The following NUBP1 variants were observed in gnomAD, a reference collection of about 807,000 sequenced individuals.
NUBP1 encodes NUBP iron-sulfur cluster assembly factor 1, cytosolic, also known as cytosolic Fe-S cluster assembly factor NUBP1.
In NUBP1, 46 loss-of-function variants were observed where a neutral mutation model predicts 41.8. That is an observed-to-expected ratio of 1.10 (90% CI 0.87 to 1.41). The LOEUF is 1.41. NUBP1 is among the 40% of genes most tolerant of loss of function. The probability of loss-of-function intolerance (pLI) is 0.00; values close to 1 mark genes in which losing one functional copy is unlikely to be tolerated. For synonymous variants in NUBP1, 189 were observed against 154.6 expected (o/e 1.22, Z -1.65); for missense variants, 494 against 414.0 (o/e 1.19, Z -1.68).
In NUBP1 at chr16:10,761,800, T is replaced by C. The variant is rs764479190; in HGVS notation, c.761T>C (p.Leu254Pro). The change falls in exon 9 of 11, where the codon CTC becomes CCC. Residue 254 changes from leucine to proline, a missense_variant. Physicochemically the swap from Leu to Pro is moderately conservative, Grantham distance 98. Transcript: ENST00000283027. ...IFPPTTGGAE[L>P]MCQDLEVPLL... ...CCTCCCACAACCGGGGGCGCGGAGC[T>C]CATGTGCCAGGACTTGGAGGTCCCT... 2.5e-6 allele frequency: 4 copies of C among 1,613,968 alleles called. No individual in the cohort carries two copies. The highest frequency in any genetic ancestry group is 3.4e-6 in the Non-Finnish European group (4 of 1,179,958).
intron 1 of NUBP1, 39 bp downstream of exon 1, chr16:10,743,921 T>C (rs751928131): frequency 1.3e-6 from 2 of 1,578,584 alleles, no homozygotes; most frequent in Non-Finnish European, 1.7e-6. Context: ...GGGGCGAAAG[T>C]GTCGGGAGCT....
chr16:10,762,620 G>A (rs1258231256), intron 9 of NUBP1, among the ~76,000 whole-genome samples: 1 of 152,236 alleles, frequency 6.6e-6, no homozygotes, highest in African/African-American at 2.4e-5. Context: ...CTCGCCTTTA[G>A]GTCTGAGGGG....
At chr16:10,751,653 C>T (rs1900325172) in intron 3 of NUBP1, among the ~76,000 whole-genome samples, 1 of 152,166 alleles carries the variant, frequency 6.6e-6, no homozygotes, top group East Asian at 1.9e-4. Flanking sequence ...TCTCAGACCT[C>T]CTGTATCAGA....
At chr16:10,755,024 G>A (rs946174774) in intron 4 of NUBP1, among the ~76,000 whole-genome samples, 1 of 152,098 alleles carries the variant, frequency 6.6e-6, no homozygotes, top group Non-Finnish European at 1.5e-5. Context: ...CAGCCTGGTC[G>A]ACAGGGCAAG....
At position 10,766,514 on chromosome 16, in the gene NUBP1, A is replaced by C. The variant is rs2030896212; in HGVS notation, c.821-1435A>C. 6.6e-6 allele frequency among the ~76,000 whole-genome samples: 1 copy of C among 152,170 alleles called. No homozygotes were observed. The highest frequency in any genetic ancestry group is 6.5e-5 in the Admixed American group (1 of 15,272). ...GTCAGGGACAGAAAGTAGCCCCAGC[A>C]TGACTATTCTGGGATCCCCAACCTC... On this transcript the variant is annotated intron_variant, in intron 9 of 10. Transcript: ENST00000283027. The surrounding 1 kb of genome is among the most constrained non-coding windows in gnomAD (Gnocchi z 4.8).
chr16:10,751,864 G>A (rs953058427), intron 3 of NUBP1, among the ~76,000 whole-genome samples: 16 of 152,208 alleles, frequency 1.1e-4, no homozygotes, highest in East Asian at 3.9e-4. Context: ...CAGCAGGCCC[G>A]TGGTGTACTG....
At chr16:10,762,801 T>G (rs1395874171) in intron 9 of NUBP1, among the ~76,000 whole-genome samples, 10 of 113,396 alleles carry the variant, frequency 8.8e-5, no homozygotes, top group Admixed American at 2.7e-4. Context: ...CAGGAGAGGG[T>G]GGGGGCCGCG....
chr16:10,752,345 C>A (rs1286338566), intron 3 of NUBP1, among the ~76,000 whole-genome samples: 1 of 152,170 alleles, frequency 6.6e-6, no homozygotes, highest in African/African-American at 2.4e-5. Flanking sequence ...GCCCGAGCCT[C>A]CAAGTGACCT....
rs1359037610 is a variant in NUBP1 at position 10,755,743 on chromosome 16, G to A, written c.350G>A (p.Trp117Ter). 5.0e-6 allele frequency: 8 copies of A among 1,614,004 alleles called. No individual in the cohort carries two copies. The highest frequency in any genetic ancestry group is 6.8e-6 in the Non-Finnish European group (8 of 1,179,984). Residue 117 changes from tryptophan to a stop codon, truncating the protein, a stop_gained, in exon 5 of 11, where the codon TGG (tryptophan) becomes TAG (stop). Transcript: ENST00000283027. LOFTEE classifies it high-confidence loss of function. ...CAGGTTCACCAGAGTGGCTCAGGCT[G>A]GTCTCCAGTGGTGAGTTTTCACCTC... ...GEQVHQSGSGWSPVYVEDNLG... is the reference protein window; with the variant it reads ...GEQVHQSGSG
Position 10,744,078 on chromosome 16 carries a change from C to T in NUBP1, c.124+13C>T, listed in dbSNP as rs757839433. ...ACTCCGGACACGGGTGAGAAAAGGGCAAGGCCTCAACAGGAACTTAGAGGC... is the reference window on the plus strand; with the variant it reads ...ACTCCGGACACGGGTGAGAAAAGGGTAAGGCCTCAACAGGAACTTAGAGGC... On this transcript the variant is annotated intron_variant, in intron 2 of 10. Transcript: ENST00000283027. 3 of 1,546,852 alleles carry T rather than the reference C, an allele frequency of 1.9e-6. No individual in the cohort carries two copies. Among genetic ancestry groups the T allele is most frequent in the Admixed American group, 2.1e-5 (1 of 48,008 alleles).
intron 7 of NUBP1, chr16:10,761,085 C>T (rs951776051): frequency 1.6e-5 from 5 of 316,058 alleles, no homozygotes; most frequent in African/African-American, 4.3e-5. Context: ...CATCAGATCT[C>T]GTGAAAACTC....
intron 5 of NUBP1, 67 bp downstream of exon 5, chr16:10,755,820 G>A: frequency 6.8e-7 from 1 of 1,478,966 alleles, no homozygotes; most frequent in Non-Finnish European, 9.4e-7. Flanking sequence ...ATGGGTTTGT[G>A]GTTTGTTGGT....
At position 10,755,728 on chromosome 16, in the gene NUBP1, A is replaced by G; in HGVS notation, c.335A>G (p.Gln112Arg). 1 of 1,614,222 alleles carries G rather than the reference A, an allele frequency of 6.2e-7. No individual in the cohort carries two copies. ...IMGLEGEQVH[Q>R]SGSGWSPVYV... ...GTGCTCATGTTCACACAGGTTCACC[A>G]GAGTGGCTCAGGCTGGTCTCCAGTG... The change falls in exon 5 of 11, where the codon CAG becomes CGG. Residue 112 changes from glutamine (Q) to arginine (R), a missense_variant. Gln to Arg is a conservative substitution (Grantham distance 43). Transcript: ENST00000283027.
chr16:10,769,211 G>T lies in NUBP1; in HGVS notation c.*106G>T. The T allele has an allele frequency of 1.1e-6, 1 of 942,884 alleles. No homozygotes were observed. The highest frequency in any genetic ancestry group is 1.7e-6 in the Non-Finnish European group (1 of 591,832). 58.4% of individuals were successfully genotyped at this position (942,884 alleles called of 1,614,324 possible). A position where few individuals can be genotyped will look rare whatever the true frequency, so the allele number is the denominator to read the frequency against. On this transcript the variant is annotated 3_prime_UTR_variant, in exon 11 of 11. Coordinates refer to ENST00000283027, the MANE Select transcript of NUBP1 (RefSeq NM_002484.4). The stretch of plus-strand genomic sequence containing the variant: ...CGGGATGGGGTGGGTCACAGCAAAA[G>T]GACCAGATGCTGGTGTGGTCCGAAG...
chr16:10,756,242 G>A (rs534309588), intron 5 of NUBP1, among the ~76,000 whole-genome samples: 1 of 152,146 alleles, frequency 6.6e-6, no homozygotes, highest in Non-Finnish European at 1.5e-5. Context: ...AGCCGAGCAT[G>A]GTGGCACGCG....
Position 10,749,100 on chromosome 16 carries a change from A to C in NUBP1, c.258+1824A>C, listed in dbSNP as rs1238868096. Among the ~76,000 whole-genome samples, 2 of 145,292 alleles carry C rather than the reference A, an allele frequency of 1.4e-5. No individual in the cohort carries two copies. The highest frequency in any genetic ancestry group is 3.0e-5 in the Non-Finnish European group (2 of 67,128). On this transcript the variant is annotated intron_variant, in intron 3 of 10. Coordinates refer to ENST00000283027, the MANE Select transcript of NUBP1 (RefSeq NM_002484.4). The surrounding 1 kb of genome is among the most constrained non-coding windows in gnomAD (Gnocchi z 4.1). ...ACAAGACTCCATTTAAAAAAAAAAA[A>C]GGATATAGATAGATACACAGACACA...
rs756064160 is a variant in NUBP1 at position 10,743,988 on chromosome 16, C to T, written c.47C>T (p.Ala16Val). The change falls in exon 2 of 11, where the codon GCG (alanine) becomes GTG (valine). Residue 16 changes from alanine to valine, a missense_variant. Physicochemically the swap from Ala to Val is moderately conservative, Grantham distance 64. Transcript: ENST00000283027. ...HDCPGADSAQ[A>V]GRGASCQGCP... is the part of the protein sequence containing the mutation. ...TGTCCAGGGGCCGACAGCGCCCAGG[C>T]GGGCAGAGGGGCTTCATGTCAGGGA... The T allele has an allele frequency of 1.3e-6, 2 of 1,580,176 alleles. No homozygotes were observed. The highest frequency in any genetic ancestry group is 2.0e-5 in the Admixed American group (1 of 50,430).
In NUBP1 at chr16:10,757,143, CAT is replaced by C. The variant is rs1900616529; in HGVS notation, c.451+365_451+366del. ...GGTGAAACCCTGTCTCTACCAAAAA[CAT>C]AAAAAATTAGCCGAGCATGGTGGCA... On this transcript the variant is annotated intron_variant, in intron 6 of 10. Transcript: ENST00000283027. This position sits in a 1 kb window ranked among gnomAD's most constrained non-coding sequence, Gnocchi z 4.1. 2.6e-5 allele frequency among the ~76,000 whole-genome samples: 4 copies of C among 151,854 alleles called. No individual in the cohort carries two copies. In the South Asian group the frequency reaches 8.3e-4, roughly 32 times the overall value.
chr16:10,767,773 C>T lies in NUBP1; in HGVS notation c.821-176C>T. On this transcript the variant is annotated intron_variant, in intron 9 of 10. Coordinates refer to ENST00000283027, the MANE Select transcript of NUBP1 (RefSeq NM_002484.4). This position sits in a 1 kb window ranked among gnomAD's most constrained non-coding sequence, Gnocchi z 4.6. ...CCACGCTGAAATGCTGGCTGGGGAC[C>T]CTGCTGGAAGGAAGGTCCCTGAGAC... The T allele has an allele frequency of 1.6e-6, 1 of 608,492 alleles. No individual in the cohort carries two copies. The highest frequency in any genetic ancestry group is 2.9e-6 in the Non-Finnish European group (1 of 343,936). The allele number at this position is 608,492 out of a possible 1,614,324, so 37.7% of individuals were successfully genotyped here.
Sources: allele counts gnomAD v4.1 joint callset (sites outside exome capture counted in the v4.1 genomes callset), GRCh38; gene constraint gnomAD v4.1.1; non-coding constraint Gnocchi (gnomAD v3.1); transcripts MANE v1.5; gene names NCBI Gene and HGNC (gene_info 2026-07-23, HGNC 2026-07-21).